COL6A3: variants seen among roughly 807,000 people sequenced by gnomAD.
The protein encoded by COL6A3 is collagen alpha-3(VI) chain.
Under a neutral mutation model 274.1 loss-of-function variants are expected in COL6A3, and 137 were observed. The ratio of observed to expected loss-of-function variants is 0.50; its 90% CI spans 0.44 to 0.58. The LOEUF (loss-of-function observed/expected upper bound fraction) is 0.58. COL6A3 is among the 20% of genes least tolerant of loss of function. COL6A3 has a pLI of 0.00. For missense variants in COL6A3, 3,950 were observed against 4,124.9 expected (o/e 0.96, Z 1.16); for synonymous variants, 1,650 against 1,650.6 (o/e 1.00, Z 0.01).
At chr2:237,342,525 T>A (rs1015387415) in intron 36 of COL6A3, 2 of 266,708 alleles carry the variant, frequency 7.5e-6, no homozygotes, top group Non-Finnish European at 1.5e-5. Context: ...CTTATCGTTA[T>A]TTTTAGCAAC....
intron 42 of COL6A3, chr2:237,327,086 C>T (rs548326383): frequency 6.6e-6 from 1 of 152,304 alleles, no homozygotes; most frequent in South Asian, 2.1e-4. Context: ...CAAAAACAAC[C>T]TTCTTTCTCT....
At chr2:237,362,924 G>A (rs1354803742) in intron 14 of COL6A3, among the ~76,000 whole-genome samples, 1 of 152,162 alleles carries the variant, frequency 6.6e-6, no homozygotes, top group African/African-American at 2.4e-5. Flanking sequence ...CCAATTGGAG[G>A]ATGGACAATC....
intron 6 of COL6A3, among the ~76,000 whole-genome samples, chr2:237,377,599 C>T (rs933624369): frequency 2.0e-5 from 3 of 152,172 alleles, no homozygotes; most frequent in Non-Finnish European, 4.4e-5. Context: ...ATAAAGCAAG[C>T]CAGGGAAAAG....
At chr2:237,326,921 G>A (rs1699975546) in intron 42 of COL6A3, 1 of 152,264 alleles carries the variant, frequency 6.6e-6, no homozygotes, top group African/African-American at 2.4e-5. Flanking sequence ...AACATTTCCT[G>A]GTTGCTGCTG....
chr2:237,357,668 TC>T (rs1345469365), intron 22 of COL6A3, 148 bp downstream of exon 22: 2 of 879,244 alleles, frequency 2.3e-6, no homozygotes, highest in African/African-American at 3.3e-5. Flanking sequence ...CACGGAGACT[TC>T]CTTCACGGGG....
intron 9 of COL6A3, among the ~76,000 whole-genome samples, chr2:237,369,489 T>G (rs1445483255): frequency 1.3e-5 from 2 of 152,374 alleles, no homozygotes; most frequent in Middle Eastern, 3.4e-3. Context: ...GAAATCAATC[T>G]TGGGCTACCG....
intron 11 of COL6A3, 123 bp downstream of exon 11, chr2:237,366,564 A>T (rs1574989313): frequency 1.4e-6 from 2 of 1,439,504 alleles, no homozygotes; most frequent in East Asian, 4.5e-5. Flanking sequence ...CAGTGGGTAT[A>T]AGTAAATGTA....
intron 31 of COL6A3, among the ~76,000 whole-genome samples, chr2:237,347,006 TA>T (rs1218756214): frequency 6.6e-6 from 1 of 151,946 alleles, no homozygotes; most frequent in Non-Finnish European, 1.5e-5. Context: ...TGTTTCTTTT[TA>T]AACTACATTT....
At position 237,340,520 on chromosome 2, in the gene COL6A3, T is replaced by C; in HGVS notation, c.8396A>G (p.Asp2799Gly). The C allele has an allele frequency of 6.2e-7, 1 of 1,614,078 alleles. No individual in the cohort carries two copies. The highest frequency in any genetic ancestry group is 1.1e-5 in the South Asian group (1 of 91,068). ...CTCCTCGTTGAGCTCGGTGGACTTGTCCACTAATTTGAAGAAGACGTCGTT... is the reference window on the plus strand; with the variant it reads ...CTCCTCGTTGAGCTCGGTGGACTTGCCCACTAATTTGAAGAAGACGTCGTT... ...EPNDVFFKLV[D>G]KSTELNEEPL... Residue 2799 changes from aspartate (D) to glycine (G), a missense_variant, in exon 38 of 44, where the codon GAC (aspartate) becomes GGC (glycine). Transcript: ENST00000295550.
chr2:237,412,436 T>C (rs372622259), intron 1 of COL6A3, among the ~76,000 whole-genome samples: 2 of 152,192 alleles, frequency 1.3e-5, no homozygotes, highest in African/African-American at 4.8e-5. Context: ...TCTCCTTCAA[T>C]GGGGAAGGAT....
chr2:237,362,250 C>T (rs2077453916), intron 14 of COL6A3, among the ~76,000 whole-genome samples: 1 of 152,152 alleles, frequency 6.6e-6, no homozygotes, highest in Non-Finnish European at 1.5e-5. Context: ...CCATGACCAC[C>T]CTTCCTTGGA....
intron 3 of COL6A3, among the ~76,000 whole-genome samples, chr2:237,393,788 C>A (rs575140014): frequency 2.6e-5 from 4 of 152,356 alleles, no homozygotes; most frequent in African/African-American, 9.6e-5. Flanking sequence ...GGAAGGAGAG[C>A]TAACAGGCTT....
chr2:237,342,164 G>A lies in COL6A3; in HGVS notation c.7669-3C>T, dbSNP rs763071900. 43 of 1,613,496 alleles carry A rather than the reference G, an allele frequency of 2.7e-5. No homozygotes were observed. In the South Asian group the frequency reaches 4.6e-4, roughly 17 times the overall value. On this transcript the variant is annotated splice_polypyrimidine_tract_variant and splice_region_variant and intron_variant, in intron 36 of 43. Transcript: ENST00000295550. ...TGCCCCACTGCTGTGTTATTGATCTGGTTTAAACAAAAGAACAATTTTGGT... is the reference window on the plus strand; with the variant it reads ...TGCCCCACTGCTGTGTTATTGATCTAGTTTAAACAAAAGAACAATTTTGGT...
Position 237,340,981 on chromosome 2 carries a change from C to G in COL6A3, c.7935G>C (p.Leu2645=). 6.2e-7 allele frequency: 1 copy of G among 1,614,158 alleles called. No homozygotes were observed. The highest frequency in any genetic ancestry group is 8.5e-7 in the Non-Finnish European group (1 of 1,180,030). ...CTGGGCTCATGTCCAGTTGTCTGAC[C>G]AGGTACGCTATGTACTTCTTCATCT... ...FNEMKKYIAY[L]VRQLDMSPDP... The change falls in exon 38 of 44, where the codon CTG becomes CTC. Residue 2645 remains leucine (L), a synonymous_variant. Transcript: ENST00000295550.
At chr2:237,346,382 C>A (rs1574951513) in intron 32 of COL6A3, 121 bp downstream of exon 32, 1 of 835,344 alleles carries the variant, frequency 1.2e-6, no homozygotes. Flanking sequence ...GGTTTGACAA[C>A]CAAGCAAATA....
chr2:237,342,533 A>G (rs2077008989), intron 36 of COL6A3: 1 of 265,454 alleles, frequency 3.8e-6, no homozygotes, highest in African/African-American at 2.2e-5. Context: ...TATTTTTAGC[A>G]ACAATATGGG....
Position 237,340,946 on chromosome 2 carries a change from G to A in COL6A3, c.7970C>T (p.Ala2657Val). The A allele has an allele frequency of 6.2e-7, 1 of 1,614,014 alleles. No individual in the cohort carries two copies. Among genetic ancestry groups the A allele is most frequent in the Non-Finnish European group, 8.5e-7 (1 of 1,179,890 alleles). Residue 2657 changes from alanine to valine, a missense_variant, in exon 38 of 44, where the codon GCC becomes GTC. Transcript: ENST00000295550. ...TGCCACTCTGGCGAAGTGCTGGGAGGCCTTGGGATCTGGGCTCATGTCCAG... is the reference window on the plus strand; with the variant it reads ...TGCCACTCTGGCGAAGTGCTGGGAGACCTTGGGATCTGGGCTCATGTCCAG... ...RQLDMSPDPK[A>V]SQHFARVAVV...
intron 37 of COL6A3, among the ~76,000 whole-genome samples, chr2:237,341,561 A>C (rs994991898): frequency 1.4e-4 from 21 of 151,286 alleles, no homozygotes; most frequent in Non-Finnish European, 2.5e-4. Context: ...AAAAAAAAAA[A>C]AAAAAAAAAA....
intron 4 of COL6A3, 22 bp from the exon 5 acceptor site, chr2:237,381,521 G>A (rs750331859): frequency 1.3e-6 from 2 of 1,572,040 alleles, no homozygotes; most frequent in African/African-American, 2.7e-5. Context: ...AACATTATAA[G>A]GCAATTAGAA....
Sources: allele counts gnomAD v4.1 joint callset (sites outside exome capture counted in the v4.1 genomes callset), GRCh38; gene constraint gnomAD v4.1.1; transcripts MANE v1.5; gene names NCBI Gene and HGNC (gene_info 2026-07-23, HGNC 2026-07-21).